BMPR2: variants seen among roughly 807,000 people sequenced by gnomAD.
BMPR2 encodes bone morphogenetic protein receptor type-2.
In BMPR2, 29 loss-of-function variants were observed where a neutral mutation model predicts 100.8. That is an observed-to-expected ratio of 0.29 (90% CI 0.21 to 0.39). The LOEUF (loss-of-function observed/expected upper bound fraction) is 0.39. Ranked by LOEUF, BMPR2 falls within the 10% of genes least tolerant of loss-of-function variation. The pLI is 1.00. For missense variants in BMPR2, 1,011 were observed against 1,274.5 expected (o/e 0.79, Z 3.15); for synonymous variants, 382 against 442.3 (o/e 0.86, Z 1.71).
intron 1 of BMPR2, among the ~76,000 whole-genome samples, chr2:202,404,844 T>G (rs569020385): frequency 1.7e-4 from 26 of 152,148 alleles, no homozygotes; most frequent in African/African-American, 5.8e-4. Context: ...GTGGAGACTT[T>G]TTTTTTAAGA....
At chr2:202,409,369 A>G (rs927323811) in intron 1 of BMPR2, among the ~76,000 whole-genome samples, 6 of 152,082 alleles carry the variant, frequency 3.9e-5, no homozygotes, top group African/African-American at 1.4e-4. Flanking sequence ...AAGATTACAC[A>G]TATATTTCAA....
chr2:202,467,224 T>C (rs1270321829), intron 2 of BMPR2, among the ~76,000 whole-genome samples: 2 of 152,136 alleles, frequency 1.3e-5, no homozygotes, highest in Non-Finnish European at 2.9e-5. Context: ...GATCGTGCCA[T>C]TGCACTCTAG....
At position 202,556,184 on chromosome 2, in the gene BMPR2, C is replaced by T; in HGVS notation, c.2519C>T (p.Thr840Ile). The T allele has an allele frequency of 6.2e-7, 1 of 1,611,584 alleles. No individual in the cohort carries two copies. The highest frequency in any genetic ancestry group is 1.1e-5 in the South Asian group (1 of 91,028). Residue 840 changes from threonine to isoleucine, a missense_variant, in exon 12 of 13, where the codon ACA (threonine) becomes ATA (isoleucine). Around this residue, in one of 6 missense-constraint regions of BMPR2, gnomAD observed 508 missense variants for 552.0 expected, o/e 0.92. Coordinates refer to ENST00000374580, the MANE Select transcript of BMPR2 (RefSeq NM_001204.7). ...VLSGQTTNIVTHRAQEMLQNQ... is the reference protein window; with the variant it reads ...VLSGQTTNIVIHRAQEMLQNQ... ...TCTGGCCAAACAACCAACATAGTGA[C>T]ACATAGGGCCCAAGAAATGTTGCAG...
intron 1 of BMPR2, among the ~76,000 whole-genome samples, chr2:202,427,380 A>C (rs1362422215): frequency 7.1e-6 from 1 of 140,996 alleles, no homozygotes; most frequent in East Asian, 2.1e-4. Flanking sequence ...AAAAAAAAAA[A>C]GGGCAGGTAT....
At chr2:202,397,332 T>C (rs1383194301) in intron 1 of BMPR2, among the ~76,000 whole-genome samples, 1 of 152,180 alleles carries the variant, frequency 6.6e-6, no homozygotes, top group Non-Finnish European at 1.5e-5. Context: ...GTGCAGTACA[T>C]ACATTATACA....
intron 3 of BMPR2, among the ~76,000 whole-genome samples, chr2:202,499,397 C>G (rs892606514): frequency 3.9e-5 from 6 of 152,158 alleles, no homozygotes; most frequent in Non-Finnish European, 8.8e-5. Context: ...GGACAAATTC[C>G]CTACTGGTCA....
intron 5 of BMPR2, among the ~76,000 whole-genome samples, chr2:202,517,596 C>T (rs1022880204): frequency 1.3e-5 from 2 of 151,786 alleles, no homozygotes; most frequent in African/African-American, 4.8e-5. Context: ...GTGATCCACC[C>T]GCCTCAGCCT....
At chr2:202,535,573 C>G (rs1451399750) in intron 9 of BMPR2, among the ~76,000 whole-genome samples, 1 of 149,992 alleles carries the variant, frequency 6.7e-6, no homozygotes, top group Admixed American at 6.6e-5. Context: ...GGATGGCGGC[C>G]GGGCGGAGAC....
At chr2:202,377,687 G>C in intron 1 of BMPR2, 137 bp downstream of exon 1, 1 of 956,598 alleles carries the variant, frequency 1.0e-6, no homozygotes, top group South Asian at 1.4e-5. Flanking sequence ...GCGACCCGGT[G>C]CCTGCGCGCC....
At chr2:202,473,832 C>T (rs1463306945) in intron 3 of BMPR2, among the ~76,000 whole-genome samples, 3 of 150,352 alleles carry the variant, frequency 2.0e-5, no homozygotes, top group African/African-American at 4.9e-5. Context: ...AATAGCCAGG[C>T]GCAGTGGCTC....
At chr2:202,485,545 C>CTTGTTTTTTTTT (rs1692756600) in intron 3 of BMPR2, among the ~76,000 whole-genome samples, 1 of 64,010 alleles carries the variant, frequency 1.6e-5, no homozygotes, top group Non-Finnish European at 2.7e-5. Flanking sequence ...TTGCCTTTAT[C>CTTGTTTTTTTTT]TTTTTTTTTT....
At position 202,555,815 on chromosome 2, in the gene BMPR2, C is replaced by A; in HGVS notation, c.2150C>A (p.Ala717Glu). The A allele has an allele frequency of 6.2e-7, 1 of 1,614,084 alleles. No individual in the cohort carries two copies. The highest frequency in any genetic ancestry group is 1.3e-5 in the African/African-American group (1 of 75,006). ...LYPLIKLAVEATGQQDFTQTA... is the reference protein window; with the variant it reads ...LYPLIKLAVEETGQQDFTQTA... ...CCACTCATAAAACTTGCAGTAGAAG[C>A]AACTGGACAGCAGGACTTCACACAG... Residue 717 changes from alanine (A) to glutamate (E), a missense_variant, in exon 12 of 13, where the codon GCA (alanine) becomes GAA (glutamate). Ala to Glu is a moderately radical substitution (Grantham distance 107, BLOSUM62 -1). Around this residue, in one of 6 missense-constraint regions of BMPR2, gnomAD observed 508 missense variants for 552.0 expected, o/e 0.92. Coordinates refer to ENST00000374580, the MANE Select transcript of BMPR2 (RefSeq NM_001204.7).
At chr2:202,445,771 A>ATTTT (rs759063361) in intron 1 of BMPR2, among the ~76,000 whole-genome samples, 1 of 120,044 alleles carries the variant, frequency 8.3e-6, no homozygotes. Context: ...TACAAACATA[A>ATTTT]TTTTTTTTTT....
chr2:202,532,131 C>T lies in BMPR2; in HGVS notation c.1129-454C>T, dbSNP rs548025993. On this transcript the variant is annotated intron_variant, in intron 8 of 12. Coordinates refer to ENST00000374580, the MANE Select transcript of BMPR2 (RefSeq NM_001204.7). The surrounding 1 kb of genome is among the most constrained non-coding windows in gnomAD (Gnocchi z 4.1). ...ATTTTTTATTTTTTTTTAGTAGAGA[C>T]GGGGTTTCACTGTGTTAGCCAGGAT... Among the ~76,000 whole-genome samples the T allele has an allele frequency of 1.3e-5, 2 of 149,196 alleles. No homozygotes were observed. Among genetic ancestry groups the T allele is most frequent in the South Asian group, 2.1e-4 (1 of 4,664 alleles).
intron 1 of BMPR2, among the ~76,000 whole-genome samples, chr2:202,404,443 G>A (rs1308107843): frequency 3.3e-5 from 5 of 152,068 alleles, no homozygotes; most frequent in South Asian, 2.1e-4. Context: ...TGATTCGCCC[G>A]CCTTGGCCTC....
intron 10 of BMPR2, among the ~76,000 whole-genome samples, chr2:202,550,947 C>CTTTT (rs34364158): frequency 7.3e-5 from 5 of 68,342 alleles, no homozygotes; most frequent in Non-Finnish European, 7.8e-5. Context: ...AGCATATCAG[C>CTTTT]TTTTTTTTTT....
chr2:202,485,386 G>C (rs144843132), intron 3 of BMPR2, among the ~76,000 whole-genome samples: 33 of 151,910 alleles, frequency 2.2e-4, no homozygotes, highest in African/African-American at 7.7e-4. Flanking sequence ...TCTGGAGGCT[G>C]TAAAGGAGAA....
At chr2:202,457,542 TTATATATATA>T (rs775599027) in intron 1 of BMPR2, among the ~76,000 whole-genome samples, 3 of 134,054 alleles carry the variant, frequency 2.2e-5, no homozygotes, top group African/African-American at 8.1e-5. Flanking sequence ...TAGCAATATT[TTATATATATA>T]TATATATATA....
intron 9 of BMPR2, among the ~76,000 whole-genome samples, chr2:202,535,758 AG>A (rs1688142276): frequency 6.6e-6 from 1 of 152,114 alleles, no homozygotes. Flanking sequence ...GGTTGTAGCG[AG>A]CCGAGATCAC....
Sources: gnomAD v4.1 joint callset for allele counts (sites outside exome capture counted in the v4.1 genomes callset) on GRCh38, gnomAD v4.1.1 for gene constraint, gnomAD v4.1.1 regional missense constraint, Gnocchi (gnomAD v3.1) non-coding constraint, MANE v1.5 for transcripts, NCBI Gene and HGNC (gene_info 2026-07-23, HGNC 2026-07-21) for gene names.